The following PAPPA variants were observed in gnomAD, a reference collection of about 807,000 sequenced individuals.
PAPPA encodes the protein pappalysin-1.
In PAPPA, 60 loss-of-function variants were observed where a neutral mutation model predicts 164.0. The observed-to-expected ratio is 0.37, with a 90% CI of 0.30 to 0.45. The LOEUF (loss-of-function observed/expected upper bound fraction) is 0.45, where lower values mean the gene tolerates loss of function less well. Ranked by LOEUF, PAPPA falls within the 20% of genes least tolerant of loss-of-function variation. The probability of loss-of-function intolerance (pLI) is 1.00; values close to 1 mark genes in which losing one functional copy is unlikely to be tolerated. For synonymous variants in PAPPA, 875 were observed against 814.1 expected (o/e 1.07, Z -1.27); for missense variants, 1,782 against 2,087.3 (o/e 0.85, Z 2.85).
chr9:116,171,812 C>T (rs911242266), intron 1 of PAPPA, among the ~76,000 whole-genome samples: 8 of 152,186 alleles, frequency 5.3e-5, no homozygotes, highest in African/African-American at 1.9e-4. Context: ...ATCTAGGAGA[C>T]AAAGCCCAGA....
chr9:116,312,976 G>A (rs1000935823), intron 10 of PAPPA, among the ~76,000 whole-genome samples: 4 of 151,514 alleles, frequency 2.6e-5, no homozygotes, highest in Admixed American at 1.3e-4. Flanking sequence ...CCAGCTACTC[G>A]GGAGGCTGAG....
At chr9:116,353,008 C>G in intron 16 of PAPPA, 92 bp downstream of exon 16, 2 of 899,766 alleles carry the variant, frequency 2.2e-6, no homozygotes, top group Non-Finnish European at 3.6e-6. Flanking sequence ...CATTTCTTCA[C>G]TGGAGGTAAT....
intron 5 of PAPPA, 23 bp from the exon 6 acceptor site, chr9:116,227,408 T>G (rs1844526763): frequency 1.2e-6 from 2 of 1,613,538 alleles, no homozygotes; most frequent in African/African-American, 2.7e-5. Flanking sequence ...CGGTGCATTT[T>G]CCCTCTTTCC....
intron 21 of PAPPA, among the ~76,000 whole-genome samples, chr9:116,389,898 T>C (rs1162454035): frequency 6.6e-6 from 1 of 152,132 alleles, no homozygotes; most frequent in Non-Finnish European, 1.5e-5. Flanking sequence ...AGATGACCCC[T>C]ACTCCTCTTG....
At chr9:116,234,497 G>A (rs1844635829) in intron 6 of PAPPA, among the ~76,000 whole-genome samples, 1 of 152,084 alleles carries the variant, frequency 6.6e-6, no homozygotes, top group South Asian at 2.1e-4. Flanking sequence ...CAGGGTGGAT[G>A]CTATTTATGC....
intron 1 of PAPPA, among the ~76,000 whole-genome samples, chr9:116,156,316 G>A (rs1267054188): frequency 3.3e-5 from 3 of 92,060 alleles, no homozygotes; most frequent in South Asian, 3.0e-4. Flanking sequence ...GTATATATAT[G>A]TGTGTATATA....
At chr9:116,304,198 T>C (rs1444329769) in intron 10 of PAPPA, among the ~76,000 whole-genome samples, 2 of 152,202 alleles carry the variant, frequency 1.3e-5, no homozygotes, top group Non-Finnish European at 2.9e-5. Flanking sequence ...GGCTCCCCCA[T>C]TAGGCTGCTG....
intron 4 of PAPPA, among the ~76,000 whole-genome samples, chr9:116,219,651 TC>T (rs2118703898): frequency 6.6e-6 from 1 of 152,296 alleles, no homozygotes; most frequent in African/African-American, 2.4e-5. Flanking sequence ...CTTGCCTGTG[TC>T]CTTTGCCGTG....
intron 1 of PAPPA, among the ~76,000 whole-genome samples, chr9:116,165,258 A>C (rs10983072): frequency 0.52 from 78,296 of 151,920 alleles, 21,372 homozygotes; most frequent in Non-Finnish European, 0.62. Context: ...TACTAATGGT[A>C]GTTATTTGTC....
chr9:116,327,168 C>T (rs528035182), intron 10 of PAPPA, among the ~76,000 whole-genome samples: 93 of 152,268 alleles, frequency 6.1e-4, no homozygotes, highest in Admixed American at 2.0e-3. Flanking sequence ...TGATGTGTTC[C>T]ACAAGACAGG....
At chr9:116,328,108 A>G (rs1041048785) in intron 10 of PAPPA, among the ~76,000 whole-genome samples, 4 of 152,232 alleles carry the variant, frequency 2.6e-5, no homozygotes, top group Non-Finnish European at 5.9e-5. Context: ...TCCTGTAGCT[A>G]TGAATGCTTC....
At position 116,226,735 on chromosome 9, in the gene PAPPA, T is replaced by A. The variant is rs182236231; in HGVS notation, c.2112-696T>A. 2.0e-4 allele frequency among the ~76,000 whole-genome samples: 31 copies of A among 152,346 alleles called. No individual in the cohort carries two copies. In the East Asian group the frequency reaches 5.8e-3, roughly 28 times the overall value. On this transcript the variant is annotated intron_variant, in intron 5 of 21. Transcript: ENST00000328252. The stretch of plus-strand genomic sequence containing the variant: ...TAGCCAAAGGAAGATTGAATCCAGA[T>A]ACACAAGACCCAACTTGGTAGGGGA...
intron 6 of PAPPA, among the ~76,000 whole-genome samples, chr9:116,234,564 G>T (rs1186347234): frequency 6.6e-6 from 1 of 152,130 alleles, no homozygotes; most frequent in Non-Finnish European, 1.5e-5. Context: ...GTCCAAGTAG[G>T]TTTTACCAAT....
In PAPPA at chr9:116,205,169, G is replaced by A. The variant is rs541605983; in HGVS notation, c.1479-2287G>A. ...TGGAGTCTTCCCCCTTAGGGAAATG[G>A]AGGCTTCCCAAAGTATGAAAAAAAA... On this transcript the variant is annotated intron_variant, in intron 2 of 21. Coordinates refer to ENST00000328252, the MANE Select transcript of PAPPA (RefSeq NM_002581.5). 9.8e-4 allele frequency among the ~76,000 whole-genome samples: 148 copies of A among 151,540 alleles called. 1 individual carries two copies. Among genetic ancestry groups the A allele is most frequent in the Non-Finnish European group, 1.6e-3 (109 of 67,868 alleles).
intron 1 of PAPPA, among the ~76,000 whole-genome samples, chr9:116,181,559 G>T (rs1334213180): frequency 1.3e-5 from 2 of 152,182 alleles, no homozygotes; most frequent in South Asian, 4.1e-4. Context: ...CCAAGGTACT[G>T]GGGTTACATC....
intron 10 of PAPPA, among the ~76,000 whole-genome samples, chr9:116,305,328 G>T (rs1845632292): frequency 1.3e-5 from 2 of 152,142 alleles, no homozygotes; most frequent in Non-Finnish European, 2.9e-5. Context: ...CCCTGTCAGG[G>T]CTTCCAGTGA....
At position 116,187,563 on chromosome 9, in the gene PAPPA, T is replaced by C. The variant is rs992435497; in HGVS notation, c.825T>C (p.His275=). The C allele has an allele frequency of 5.0e-6, 8 of 1,614,072 alleles. No homozygotes were observed. The Middle Eastern group carries it at 4.9e-4, about 99-fold the overall frequency. ...QREILSDMET[H]GAHTALPQLL... Reference sequence around the variant, plus strand: ...AGATACTGTCTGACATGGAAACCCATGGCGCCCACACTGCTCTACCTCAGC... The same window carrying C: ...AGATACTGTCTGACATGGAAACCCACGGCGCCCACACTGCTCTACCTCAGC... Residue 275 remains histidine (H), a synonymous_variant, in exon 2 of 22, where the codon CAT becomes CAC. Coordinates refer to ENST00000328252, the MANE Select transcript of PAPPA (RefSeq NM_002581.5). This position sits in a 1 kb window ranked among gnomAD's most constrained non-coding sequence, Gnocchi z 4.2.
At chr9:116,322,882 C>A (rs1845877034) in intron 10 of PAPPA, among the ~76,000 whole-genome samples, 1 of 152,144 alleles carries the variant, frequency 6.6e-6, no homozygotes, top group Non-Finnish European at 1.5e-5. Context: ...CCTCCCCATT[C>A]CTTTTCCTAT....
At chr9:116,296,875 G>A (rs1845515974) in intron 9 of PAPPA, among the ~76,000 whole-genome samples, 1 of 150,980 alleles carries the variant, frequency 6.6e-6, no homozygotes, top group Non-Finnish European at 1.5e-5. Context: ...TTTTTTTTGA[G>A]ACAGAGTCTT....
Sources: gnomAD v4.1 joint callset for allele counts (sites outside exome capture counted in the v4.1 genomes callset) on GRCh38, gnomAD v4.1.1 for gene constraint, Gnocchi (gnomAD v3.1) non-coding constraint, MANE v1.5 for transcripts, NCBI Gene and HGNC (gene_info 2026-07-23, HGNC 2026-07-21) for gene names.